TNFRSF11B: variants seen among roughly 807,000 people sequenced by gnomAD.
TNFRSF11B encodes the protein TNF receptor superfamily member 11b, also known as tumor necrosis factor receptor superfamily member 11B.
TNFRSF11B carries 16 observed loss-of-function variants against 43.4 expected under a neutral mutation model. The ratio of observed to expected loss-of-function variants is 0.37; its 90% CI spans 0.25 to 0.56. The LOEUF (loss-of-function observed/expected upper bound fraction) is 0.56. TNFRSF11B is among the 20% of genes least tolerant of loss of function. TNFRSF11B has a pLI of 0.80. For missense variants in TNFRSF11B, 444 were observed against 490.1 expected, an observed-to-expected ratio of 0.91 and a Z score of 0.89; for synonymous variants, 185 against 181.8, an observed-to-expected ratio of 1.02 and a Z score of -0.14.
chr8:118,927,477 A>G (rs1812259395), intron 3 of TNFRSF11B, among the ~76,000 whole-genome samples: 1 of 152,204 alleles, frequency 6.6e-6, no homozygotes, highest in Non-Finnish European at 1.5e-5. Flanking sequence ...ATAAATGAAA[A>G]AAAGTAAAAT....
chr8:118,930,880 G>A, intron 2 of TNFRSF11B: 1 of 312,382 alleles, frequency 3.2e-6, no homozygotes. Context: ...AATATATTCA[G>A]AAGCTTTATC....
In TNFRSF11B at chr8:118,929,082, A is replaced by G. The variant is rs545988433; in HGVS notation, c.401-153T>C. On this transcript the variant is annotated intron_variant, in intron 2 of 4. Transcript: ENST00000297350. ...TAGCATTTTCATTTTTCACTTCATT[A>G]GACAGAACAAAACTTCCACCATCAT... The G allele has an allele frequency of 7.3e-5, 52 of 709,998 alleles. No individual in the cohort carries two copies. The African/African-American group carries it at 8.7e-4, about 12-fold the overall frequency. The allele number at this position is 709,998 out of a possible 1,614,324, so 44.0% of individuals were successfully genotyped here.
chr8:118,935,246 A>G (rs998390950), intron 1 of TNFRSF11B, among the ~76,000 whole-genome samples: 2 of 152,166 alleles, frequency 1.3e-5, no homozygotes, highest in African/African-American at 4.8e-5. Flanking sequence ...GATTACAGAA[A>G]TGGACCAGTA....
At chr8:118,927,781 A>G (rs1406155794) in intron 3 of TNFRSF11B, among the ~76,000 whole-genome samples, 1 of 152,140 alleles carries the variant, frequency 6.6e-6, no homozygotes, top group African/African-American at 2.4e-5. Flanking sequence ...CTTTAGTGTA[A>G]TGTGTCTTTG....
At chr8:118,951,044 C>G (rs1812636059) in intron 1 of TNFRSF11B, among the ~76,000 whole-genome samples, 1 of 151,984 alleles carries the variant, frequency 6.6e-6, no homozygotes, top group Admixed American at 6.5e-5. Context: ...TGATCAAAAC[C>G]TAAGCTTAAA....
At chr8:118,943,364 A>T (rs1414481878) in intron 1 of TNFRSF11B, among the ~76,000 whole-genome samples, 1 of 152,164 alleles carries the variant, frequency 6.6e-6, no homozygotes, top group Non-Finnish European at 1.5e-5. Flanking sequence ...TGAAAAAAGG[A>T]TGAGAAGTAT....
intron 1 of TNFRSF11B, among the ~76,000 whole-genome samples, chr8:118,939,217 A>AT (rs1336280360): frequency 6.6e-6 from 1 of 152,148 alleles, no homozygotes; most frequent in African/African-American, 2.4e-5. Flanking sequence ...AGTTTATTTG[A>AT]TTTTTTATTT....
intron 2 of TNFRSF11B, among the ~76,000 whole-genome samples, chr8:118,931,048 G>C (rs966963941): frequency 6.6e-6 from 1 of 152,152 alleles, no homozygotes; most frequent in African/African-American, 2.4e-5. Flanking sequence ...TATAATGATG[G>C]AGAAATTTGG....
intron 1 of TNFRSF11B, among the ~76,000 whole-genome samples, chr8:118,938,131 A>G (rs1350957195): frequency 1.3e-5 from 2 of 151,970 alleles, no homozygotes; most frequent in Non-Finnish European, 2.9e-5. Context: ...TTGAACATGG[A>G]ATTTTATTTT....
At position 118,932,916 on chromosome 8, in the gene TNFRSF11B, C is replaced by T. The variant is rs757467378; in HGVS notation, c.400+15G>A. 13 of 1,614,012 alleles carry T rather than the reference C, an allele frequency of 8.1e-6. No homozygotes were observed. The highest frequency in any genetic ancestry group is 1.0e-5 in the Non-Finnish European group (12 of 1,180,010). Reference sequence around the variant, plus strand: ...TGCATGATCCTAATTAATTTTGCTGCACATTGACACGTACCAGCTTGCACC... The same window carrying T: ...TGCATGATCCTAATTAATTTTGCTGTACATTGACACGTACCAGCTTGCACC... On this transcript the variant is annotated intron_variant, in intron 2 of 4. Coordinates refer to ENST00000297350, the MANE Select transcript of TNFRSF11B (RefSeq NM_002546.4).
At chr8:118,927,261 A>G (rs564422573) in intron 3 of TNFRSF11B, among the ~76,000 whole-genome samples, 2 of 152,344 alleles carry the variant, frequency 1.3e-5, no homozygotes, top group African/African-American at 2.4e-5. Flanking sequence ...TGTTATTTAC[A>G]TAGGCATTAC....
chr8:118,949,809 A>G (rs1812614982), intron 1 of TNFRSF11B, among the ~76,000 whole-genome samples: 1 of 152,236 alleles, frequency 6.6e-6, no homozygotes, highest in African/African-American at 2.4e-5. Flanking sequence ...GCCCATTATA[A>G]AGAAATAAAT....
intron 1 of TNFRSF11B, among the ~76,000 whole-genome samples, chr8:118,950,509 T>A (rs535890580): frequency 2.4e-4 from 36 of 152,322 alleles, no homozygotes; most frequent in Admixed American, 9.2e-4. Flanking sequence ...ATAGACACAG[T>A]AGTGATGGAA....
At chr8:118,948,194 G>A (rs574567480) in intron 1 of TNFRSF11B, among the ~76,000 whole-genome samples, 9 of 152,216 alleles carry the variant, frequency 5.9e-5, no homozygotes, top group African/African-American at 2.2e-4. Flanking sequence ...AGCAACATAA[G>A]GAGCAGCTAG....
chr8:118,943,999 T>C (rs1318515436), intron 1 of TNFRSF11B, among the ~76,000 whole-genome samples: 1 of 151,882 alleles, frequency 6.6e-6, no homozygotes, highest in Non-Finnish European at 1.5e-5. Context: ...CTTCTAACAA[T>C]AGCTTTGATG....
intron 1 of TNFRSF11B, among the ~76,000 whole-genome samples, chr8:118,938,710 G>A (rs898073073): frequency 2.0e-5 from 3 of 152,114 alleles, no homozygotes; most frequent in African/African-American, 7.2e-5. Context: ...TTTTCTTTGT[G>A]CTAAGACTAG....
intron 3 of TNFRSF11B, 21 bp from the exon 4 acceptor site, chr8:118,926,739 C>G (rs1448184945): frequency 6.3e-6 from 10 of 1,598,748 alleles, no homozygotes; most frequent in Non-Finnish European, 7.7e-6. Context: ...GTTAGAAAAC[C>G]CAGAAGATTT....
chr8:118,951,540 C>A (rs965489943), intron 1 of TNFRSF11B, among the ~76,000 whole-genome samples: 8 of 151,856 alleles, frequency 5.3e-5, no homozygotes, highest in Non-Finnish European at 8.8e-5. Context: ...CTCTCTCTCT[C>A]CCTCTCTCTC....
At chr8:118,929,649 T>C (rs1004086738) in intron 2 of TNFRSF11B, among the ~76,000 whole-genome samples, 6 of 152,232 alleles carry the variant, frequency 3.9e-5, no homozygotes, top group Non-Finnish European at 8.8e-5. Context: ...AAATATTTGA[T>C]AAATTTGAAG....
Sources: gnomAD v4.1 joint callset for allele counts (sites outside exome capture counted in the v4.1 genomes callset) on GRCh38, gnomAD v4.1.1 for gene constraint, MANE v1.5 for transcripts, NCBI Gene and HGNC (gene_info 2026-07-23, HGNC 2026-07-21) for gene names.